The following SLC14A2 variants were observed in gnomAD, a reference collection of about 807,000 sequenced individuals.
SLC14A2 encodes the protein solute carrier family 14 member 2.
Under a neutral mutation model 104.6 loss-of-function variants are expected in SLC14A2, and 91 were observed. That is an observed-to-expected ratio of 0.87 (90% CI 0.73 to 1.04). SLC14A2 has a LOEUF of 1.04. Ranked by LOEUF, SLC14A2 falls within the 50% of genes least tolerant of loss-of-function variation. The pLI, the probability that SLC14A2 is intolerant of heterozygous loss-of-function variation, is 0.00. For missense variants in SLC14A2, 1,189 were observed against 1,156.0 expected, an observed-to-expected ratio of 1.03 and a Z score of -0.41; for synonymous variants, 476 against 466.4, an observed-to-expected ratio of 1.02 and a Z score of -0.27.
chr18:45,546,291 A>C (rs1224678424), intron 2 of SLC14A2, among the ~76,000 whole-genome samples: 4 of 152,242 alleles, frequency 2.6e-5, no homozygotes, highest in Non-Finnish European at 5.9e-5. Flanking sequence ...TTGCTGAGAG[A>C]AGTTATTCAA....
intron 18 of SLC14A2, among the ~76,000 whole-genome samples, chr18:45,674,027 T>C (rs2046186933): frequency 6.6e-6 from 1 of 152,168 alleles, no homozygotes; most frequent in Non-Finnish European, 1.5e-5. Context: ...CTGGCGGGGG[T>C]TGGAGCAAAC....
intron 1 of SLC14A2, among the ~76,000 whole-genome samples, chr18:45,382,498 C>T (rs1165633735): frequency 6.6e-6 from 1 of 152,184 alleles, no homozygotes; most frequent in African/African-American, 2.4e-5. Flanking sequence ...CATTTAGCCA[C>T]CAGGTTATGT....
At chr18:45,214,746 T>C (rs2083992799) in intron 1 of SLC14A2, among the ~76,000 whole-genome samples, 3 of 151,992 alleles carry the variant, frequency 2.0e-5, no homozygotes. Context: ...ATTATGTTTA[T>C]CCAGATTATG....
At chr18:45,523,371 C>T (rs1248520414) in intron 2 of SLC14A2, among the ~76,000 whole-genome samples, 4 of 151,888 alleles carry the variant, frequency 2.6e-5, no homozygotes, top group Non-Finnish European at 4.4e-5. Flanking sequence ...ACTCTGTCAC[C>T]CAGGCTGGAG....
intron 2 of SLC14A2, among the ~76,000 whole-genome samples, chr18:45,487,682 A>G (rs931014212): frequency 3.3e-5 from 5 of 152,214 alleles, no homozygotes; most frequent in African/African-American, 9.6e-5. Flanking sequence ...TAAAAGAGGC[A>G]GAATAGGCAG....
chr18:45,326,635 A>C (rs1270544974), intron 1 of SLC14A2, among the ~76,000 whole-genome samples: 4 of 152,196 alleles, frequency 2.6e-5, no homozygotes, highest in African/African-American at 9.7e-5. Flanking sequence ...AGACCATTTT[A>C]CTAGTGAGCA....
intron 2 of SLC14A2, among the ~76,000 whole-genome samples, chr18:45,534,120 G>T (rs2043743279): frequency 6.6e-6 from 1 of 152,200 alleles, no homozygotes; most frequent in African/African-American, 2.4e-5. Context: ...GCTTGGGAAG[G>T]TGCTTTGAGT....
chr18:45,404,557 G>GA (rs1804746802), intron 1 of SLC14A2, among the ~76,000 whole-genome samples: 2 of 152,300 alleles, frequency 1.3e-5, no homozygotes, highest in South Asian at 4.2e-4. Flanking sequence ...AATCTCCTGA[G>GA]AAACTTATGA....
At chr18:45,539,526 C>T (rs1350362816) in intron 2 of SLC14A2, among the ~76,000 whole-genome samples, 1 of 152,194 alleles carries the variant, frequency 6.6e-6, no homozygotes, top group Admixed American at 6.5e-5. Flanking sequence ...CCAGACCCTG[C>T]CTCTAGCCCC....
rs988711017 is a variant in SLC14A2 at position 45,245,560 on chromosome 18, C to T, written c.-125+32369C>T. Among the ~76,000 whole-genome samples, 8 of 152,324 alleles carry T rather than the reference C, an allele frequency of 5.3e-5. No homozygotes were observed. The South Asian group carries it at 6.2e-4, about 12-fold the overall frequency. On this transcript the variant is annotated intron_variant, in intron 1 of 20. Transcript: ENST00000586448. ...GGAATTTAGAAAGCTCTCTGAGCAT[C>T]CTGTCTTCATGCCTTTTGATTGCTG...
chr18:45,409,335 A>G (rs562614586), intron 1 of SLC14A2, among the ~76,000 whole-genome samples: 5 of 152,278 alleles, frequency 3.3e-5, no homozygotes, highest in African/African-American at 9.6e-5. Context: ...ACCCTGGGCC[A>G]CTGAAAATTG....
chr18:45,426,035 A>C (rs1418342615), intron 1 of SLC14A2, among the ~76,000 whole-genome samples: 1 of 152,130 alleles, frequency 6.6e-6, no homozygotes, highest in Non-Finnish European at 1.5e-5. Flanking sequence ...AAAAGAGAGC[A>C]AGTCCCTGGG....
At chr18:45,531,813 C>G (rs931394540) in intron 2 of SLC14A2, among the ~76,000 whole-genome samples, 7 of 152,064 alleles carry the variant, frequency 4.6e-5, no homozygotes, top group East Asian at 1.9e-4. Flanking sequence ...AGGTTTTCTT[C>G]TAGGGTTTTT....
At chr18:45,353,611 A>G (rs1487258346) in intron 1 of SLC14A2, among the ~76,000 whole-genome samples, 1 of 152,212 alleles carries the variant, frequency 6.6e-6, no homozygotes, top group Non-Finnish European at 1.5e-5. Context: ...GTGACCTGGG[A>G]CCAGATGTGG....
At chr18:45,573,596 A>C (rs1039284128) in intron 2 of SLC14A2, among the ~76,000 whole-genome samples, 1 of 152,260 alleles carries the variant, frequency 6.6e-6, no homozygotes, top group Admixed American at 6.5e-5. Flanking sequence ...TCCATAATAC[A>C]TTAGAAACAA....
At chr18:45,658,659 AAAGAGGGTAGATTATTATTTCCCCT>A (rs1003295563) in intron 10 of SLC14A2, among the ~76,000 whole-genome samples, 3 of 152,178 alleles carry the variant, frequency 2.0e-5, no homozygotes, top group African/African-American at 7.2e-5. Context: ...TGATATTCAG[AAAGAGGGTAGATTATTATTTCCCCT>A]CTGAAAGAAG....
chr18:45,181,555 A>T, the SLC14A2 span, among the ~76,000 whole-genome samples: 1 of 152,230 alleles, frequency 6.6e-6, no homozygotes, highest in Non-Finnish European at 1.5e-5. Context: ...ACCTGCTTTT[A>T]TCAGGCTCTT....
At chr18:45,372,316 C>CAATAAT (rs59063935) in intron 1 of SLC14A2, among the ~76,000 whole-genome samples, 53,180 of 148,298 alleles carry the variant, frequency 0.36, 11,384 homozygotes, top group African/African-American at 0.6. Flanking sequence ...GTCTCAAAAA[C>CAATAAT]AATAATAATA....
Position 45,643,810 on chromosome 18 carries a change from T to C in SLC14A2, c.1177-176T>C, listed in dbSNP as rs115824499. 1.8e-3 allele frequency among the ~76,000 whole-genome samples: 269 copies of C among 152,282 alleles called. 2 individuals are homozygous for C. Among genetic ancestry groups the C allele is most frequent in the Middle Eastern group, 6.8e-3 (2 of 292 alleles). ...GGTATTACAGGCATGAGCCACTGCA[T>C]CCAGCCCTAAATTCTTTGACCAACT... On this transcript the variant is annotated intron_variant, in intron 9 of 19. Coordinates refer to ENST00000255226, the MANE Select transcript of SLC14A2 (RefSeq NM_007163.4).
Sources: gnomAD v4.1 joint callset for allele counts (sites outside exome capture counted in the v4.1 genomes callset) on GRCh38, gnomAD v4.1.1 for gene constraint, MANE v1.5 for transcripts, NCBI Gene and HGNC (gene_info 2026-07-23, HGNC 2026-07-21) for gene names.